Variants in NSD2 observed in about 807,000 individuals in gnomAD.
NSD2 encodes the protein histone-lysine N-methyltransferase NSD2.
In NSD2, 12 loss-of-function variants were observed where a neutral mutation model predicts 139.0. That is an observed-to-expected ratio of 0.09 (90% confidence interval 0.06 to 0.14). NSD2 has a LOEUF of 0.14. Ranked by LOEUF, NSD2 falls within the 10% of genes least tolerant of loss-of-function variation. The probability of loss-of-function intolerance (pLI) is 1.00; values close to 1 mark genes in which losing one functional copy is unlikely to be tolerated. For synonymous variants in NSD2, 669 were observed against 648.7 expected, an observed-to-expected ratio of 1.03 and a Z score of -0.48; for missense variants, 1,155 against 1,745.0, an observed-to-expected ratio of 0.66 and a Z score of 6.02.
Position 1,978,739 on chromosome 4 carries a change from G to C in NSD2, c.3928G>C (p.Gly1310Arg). Residue 1310 changes from glycine to arginine, a missense_variant, in exon 22 of 22, where the codon GGG (glycine) becomes CGG (arginine). Transcript: ENST00000508803. ...TTCGTTCTGTAAGGAGCACCAGGAC[G>C]GGACAGCCTTCAGCTGCACCCCGGA... ...PNSFCKEHQD[G>R]TAFSCTPDGR... 2.5e-6 allele frequency: 4 copies of C among 1,614,150 alleles called. No homozygotes were observed. Among genetic ancestry groups the C allele is most frequent in the Non-Finnish European group, 3.4e-6 (4 of 1,180,010 alleles).
chr4:1,941,326 T>G, intron 9 of NSD2: 1 of 1,054,136 alleles, frequency 9.5e-7, no homozygotes, highest in Non-Finnish European at 1.1e-6. Flanking sequence ...TTGCTTATAC[T>G]GTTGTCAGGT....
chr4:1,902,399 A>G (rs1717305243), intron 2 of NSD2, among the ~76,000 whole-genome samples: 1 of 151,736 alleles, frequency 6.6e-6, no homozygotes, highest in South Asian at 2.1e-4. Flanking sequence ...TTAATTTTTT[A>G]TTTTTTGTAG....
chr4:1,921,775 C>CT (rs1720164314), intron 5 of NSD2, among the ~76,000 whole-genome samples: 1 of 141,274 alleles, frequency 7.1e-6, no homozygotes, highest in African/African-American at 2.7e-5. Context: ...CAGCAAGACT[C>CT]TGTCTCAAAA....
At chr4:1,877,414 C>T (rs564553627) in intron 1 of NSD2, among the ~76,000 whole-genome samples, 1 of 152,208 alleles carries the variant, frequency 6.6e-6, no homozygotes, top group Non-Finnish European at 1.5e-5. Context: ...TTCTGACTCT[C>T]ACTGCACTAC....
intron 5 of NSD2, among the ~76,000 whole-genome samples, chr4:1,923,514 C>T (rs1720445265): frequency 6.6e-6 from 1 of 152,086 alleles, no homozygotes; most frequent in African/African-American, 2.4e-5. Context: ...TGGGATGGTC[C>T]TTCACAGTCA....
chr4:1,888,671 T>C (rs1242949399), intron 1 of NSD2, among the ~76,000 whole-genome samples: 1 of 151,894 alleles, frequency 6.6e-6, no homozygotes, highest in Non-Finnish European at 1.5e-5. Context: ...TTCAAGCGAT[T>C]TTCCTGCCTC....
At chr4:1,902,654 T>A (rs925798560) in intron 2 of NSD2, among the ~76,000 whole-genome samples, 1 of 152,138 alleles carries the variant, frequency 6.6e-6, no homozygotes. Context: ...GCACAGGCTG[T>A]TCACGAACTC....
In NSD2 at chr4:1,948,386, C is replaced by T. The variant is rs1192976764; in HGVS notation, c.1882-2686C>T. The T allele has an allele frequency of 9.4e-7, 1 of 1,066,038 alleles. No individual in the cohort carries two copies. The highest frequency in any genetic ancestry group is 1.6e-5 in the African/African-American group (1 of 61,018). The allele number at this position is 1,066,038 out of a possible 1,614,324, so 66.0% of individuals were successfully genotyped here. A position where few individuals can be genotyped will look rare whatever the true frequency, so the allele number is the denominator to read the frequency against. ...GTGAATGTGCCACCTCCACAAATGG[C>T]TTCTCCGAGTGAGTCACGTCACCTG... On this transcript the variant is annotated intron_variant, in intron 9 of 21. Coordinates refer to ENST00000508803, the MANE Select transcript of NSD2 (RefSeq NM_001042424.3). The surrounding 1 kb of genome is among the most constrained non-coding windows in gnomAD (Gnocchi z 4.5).
At chr4:1,911,587 C>CAAAAAAAA (rs372660600) in intron 3 of NSD2, among the ~76,000 whole-genome samples, 45 of 42,028 alleles carry the variant, frequency 1.1e-3, no homozygotes, top group Non-Finnish European at 1.5e-3. Flanking sequence ...GACGCCATCT[C>CAAAAAAAA]AAAAAAAAAA....
Position 1,900,646 on chromosome 4 carries a change from C to G in NSD2, c.-9C>G. ...CATAGTGTTCTAAGAACGGAAGCAT[C>G]TGGGCTGGATGGAATTTAGCATCAA... On this transcript the variant is annotated 5_prime_UTR_variant, in exon 2 of 22. The change creates a new upstream start codon in the 5' untranslated region. Coordinates refer to ENST00000508803, the MANE Select transcript of NSD2 (RefSeq NM_001042424.3). 1.3e-6 allele frequency: 2 copies of G among 1,555,102 alleles called. No individual in the cohort carries two copies. Among genetic ancestry groups the G allele is most frequent in the Non-Finnish European group, 1.7e-6 (2 of 1,151,280 alleles).
In NSD2 at chr4:1,981,765, A is replaced by G; in HGVS notation, c.*2856A>G. On this transcript the variant is annotated 3_prime_UTR_variant, in exon 22 of 22. Coordinates refer to ENST00000508803, the MANE Select transcript of NSD2 (RefSeq NM_001042424.3). ...TTCCAGGACTACCTTATTTTCCAGA[A>G]TTAAACCTGTTTTATAATTCAAGTT... The G allele has an allele frequency of 2.5e-6, 1 of 398,134 alleles. No homozygotes were observed. Among genetic ancestry groups the G allele is most frequent in the Non-Finnish European group, 4.4e-6 (1 of 225,896 alleles). The allele number at this position is 398,134 out of a possible 1,614,324, so 24.7% of individuals were successfully genotyped here.
At position 1,956,225 on chromosome 4, in the gene NSD2, C is replaced by T; in HGVS notation, c.2881+37C>T. ...TTCAGATAGAGAGTGAGACAGCACT[C>T]TCGTGCATTTTCTTACCCCTAATTT... On this transcript the variant is annotated intron_variant, in intron 15 of 21. Transcript: ENST00000508803. This position sits in a 1 kb window ranked among gnomAD's most constrained non-coding sequence, Gnocchi z 5.3. 1 of 1,519,586 alleles carries T rather than the reference C, an allele frequency of 6.6e-7. No individual in the cohort carries two copies. The highest frequency in any genetic ancestry group is 8.9e-7 in the Non-Finnish European group (1 of 1,129,424). The allele number at this position is 1,519,586 out of a possible 1,614,324, so 94.1% of individuals were successfully genotyped here.
intron 19 of NSD2, 115 bp from the exon 20 acceptor site, chr4:1,975,179 G>T: frequency 7.1e-7 from 1 of 1,403,324 alleles, no homozygotes. Flanking sequence ...CATGGGTCAA[G>T]CCAGTACAGA....
At chr4:1,898,903 C>T (rs1040973397) in intron 1 of NSD2, among the ~76,000 whole-genome samples, 5 of 152,054 alleles carry the variant, frequency 3.3e-5, no homozygotes, top group Non-Finnish European at 5.9e-5. Flanking sequence ...TGGAGTTCAC[C>T]CAGTGCTGTT....
chr4:1,976,454 G>C lies in NSD2; in HGVS notation c.3622-21G>C, dbSNP rs915132231. Reference sequence around the variant, plus strand: ...CCTGTGTAATTCTTTCCGGTGATCTGTGCTTAATTCTTGACTCTAGACCTC... The same window carrying C: ...CCTGTGTAATTCTTTCCGGTGATCTCTGCTTAATTCTTGACTCTAGACCTC... On this transcript the variant is annotated intron_variant, in intron 20 of 21. Transcript: ENST00000508803. This position sits in a 1 kb window ranked among gnomAD's most constrained non-coding sequence, Gnocchi z 5.3. 5 of 1,609,514 alleles carry C rather than the reference G, an allele frequency of 3.1e-6. No homozygotes were observed. Among genetic ancestry groups the C allele is most frequent in the Admixed American group, 1.7e-5 (1 of 59,076 alleles).
intron 6 of NSD2, among the ~76,000 whole-genome samples, chr4:1,933,885 T>A (rs1441126333): frequency 6.6e-6 from 1 of 152,206 alleles, no homozygotes; most frequent in Non-Finnish European, 1.5e-5. Flanking sequence ...GGTCTTGGAT[T>A]AACTGCTATT....
intron 3 of NSD2, among the ~76,000 whole-genome samples, chr4:1,916,164 G>C (rs1416359893): frequency 6.6e-6 from 1 of 152,132 alleles, no homozygotes; most frequent in African/African-American, 2.4e-5. Context: ...GGGGTAGCTA[G>C]CTGGTAGGTA....
chr4:1,949,955 A>G (rs1289714505), intron 9 of NSD2, among the ~76,000 whole-genome samples: 3 of 152,206 alleles, frequency 2.0e-5, no homozygotes, highest in Admixed American at 2.0e-4. Flanking sequence ...ATATGGCCCA[A>G]TTCCAATTTC....
At chr4:1,959,324 C>A in intron 16 of NSD2, 147 bp from the exon 17 acceptor site, 2 of 813,434 alleles carry the variant, frequency 2.5e-6, no homozygotes, top group Non-Finnish European at 1.9e-6. Flanking sequence ...CTGGGGAGGG[C>A]TGTTCTGAGT....
Sources: allele counts gnomAD v4.1 joint callset (sites outside exome capture counted in the v4.1 genomes callset), GRCh38; gene constraint gnomAD v4.1.1; non-coding constraint Gnocchi (gnomAD v3.1); transcripts MANE v1.5; gene names NCBI Gene and HGNC (gene_info 2026-07-23, HGNC 2026-07-21).